The following ARIH1 variants were observed in gnomAD, a reference collection of about 807,000 sequenced individuals.
ARIH1 encodes ariadne RBR E3 ubiquitin protein ligase 1.
Under a neutral mutation model 85.0 loss-of-function variants are expected in ARIH1, and 8 were observed. The ratio of observed to expected loss-of-function variants is 0.09; its 90% CI spans 0.06 to 0.17. The LOEUF is 0.17. Among genes scored for constraint, ARIH1 ranks in the 10% least tolerant of loss-of-function variants. The probability of loss-of-function intolerance (pLI) is 1.00; values close to 1 mark genes in which losing one functional copy is unlikely to be tolerated. For missense variants in ARIH1, 311 were observed against 718.1 expected, an observed-to-expected ratio of 0.43 and a Z score of 6.48; for synonymous variants, 238 against 253.6, an observed-to-expected ratio of 0.94 and a Z score of 0.59.
chr15:72,489,461 G>A (rs2063850394), intron 1 of ARIH1, among the ~76,000 whole-genome samples: 2 of 152,126 alleles, frequency 1.3e-5, no homozygotes, highest in African/African-American at 4.8e-5. Flanking sequence ...AAGTATGCTA[G>A]TAGTCATTGT....
At chr15:72,476,404 G>A (rs932426787) in intron 1 of ARIH1, among the ~76,000 whole-genome samples, 4 of 152,096 alleles carry the variant, frequency 2.6e-5, no homozygotes, top group Admixed American at 2.0e-4. Flanking sequence ...TTGCTTTGTC[G>A]CCCAGGCTGG....
At position 72,601,433 on chromosome 15, in the gene ARIH1, C is replaced by G. The variant is rs1034262571; in HGVS notation, c.*18141C>G. On this transcript the variant is annotated 3_prime_UTR_variant, in exon 14 of 14. Coordinates refer to ENST00000379887, the MANE Select transcript of ARIH1 (RefSeq NM_005744.5). The stretch of plus-strand genomic sequence containing the variant: ...GCAACCAACCCTGTTACCTTTTTCT[C>G]TTTTCACACTGGTCTTCATTCTGTG... 1 of 152,238 alleles carries G rather than the reference C, an allele frequency of 6.6e-6. No homozygotes were observed. Among genetic ancestry groups the G allele is most frequent in the Non-Finnish European group, 1.5e-5 (1 of 68,070 alleles). 9.4% of individuals were successfully genotyped at this position (152,238 alleles called of 1,614,324 possible).
In ARIH1 at chr15:72,596,014, T is replaced by G. The variant is rs943971313; in HGVS notation, c.*12722T>G. On this transcript the variant is annotated 3_prime_UTR_variant, in exon 14 of 14. Transcript: ENST00000379887. ...TTTTATATTTTTAGTAGAAACGGGG[T>G]TTCACCATATTGGCCAGGCTGGTCT... The G allele has an allele frequency of 6.6e-6, 1 of 152,104 alleles. No homozygotes were observed. The highest frequency in any genetic ancestry group is 6.5e-5 in the Admixed American group (1 of 15,276). The allele number at this position is 152,104 out of a possible 1,614,324, so 9.4% of individuals were successfully genotyped here.
At chr15:72,570,538 T>C (rs1245142184) in intron 10 of ARIH1, among the ~76,000 whole-genome samples, 1 of 152,216 alleles carries the variant, frequency 6.6e-6, no homozygotes, top group Non-Finnish European at 1.5e-5. Context: ...TCATTAGTTA[T>C]AAAAGTAGTA....
At position 72,588,341 on chromosome 15, in the gene ARIH1, A is replaced by G. The variant is rs6495011; in HGVS notation, c.*5049A>G. On this transcript the variant is annotated 3_prime_UTR_variant, in exon 14 of 14. Transcript: ENST00000379887. ...CTGTCCATCTGGCATTACCTAGACC[A>G]GTGATACTTAAACTTGACTGCGAAT... The G allele has an allele frequency of 0.74, 112,909 of 152,004 alleles. 47,868 individuals carry two copies. The highest frequency in any genetic ancestry group is 0.93 in the Non-Finnish European group (63,364 of 67,988). The allele number at this position is 152,004 out of a possible 1,614,324, so 9.4% of individuals were successfully genotyped here.
intron 2 of ARIH1, among the ~76,000 whole-genome samples, chr15:72,536,251 A>G (rs2064081363): frequency 6.6e-6 from 1 of 152,132 alleles, no homozygotes; most frequent in Non-Finnish European, 1.5e-5. Flanking sequence ...CCATACTTTT[A>G]TTTTTATCTT....
In ARIH1 at chr15:72,550,756, C is replaced by T. The variant is rs374839798; in HGVS notation, c.589-4515C>T. On this transcript the variant is annotated intron_variant, in intron 3 of 13. Coordinates refer to ENST00000379887, the MANE Select transcript of ARIH1 (RefSeq NM_005744.5). ...GTGTGATCTCGGCTTACTGCAACCT[C>T]CGCCTCCCGGGTTCAAGTGATTCTT... Among the ~76,000 whole-genome samples, 6 of 152,114 alleles carry T rather than the reference C, an allele frequency of 3.9e-5. No homozygotes were observed. In the East Asian group the frequency reaches 9.7e-4, roughly 24 times the overall value.
intron 3 of ARIH1, among the ~76,000 whole-genome samples, chr15:72,549,558 A>G (rs778471905): frequency 6.6e-6 from 1 of 152,118 alleles, no homozygotes; most frequent in Non-Finnish European, 1.5e-5. Context: ...GAAAATACCT[A>G]CGTCCCACCC....
chr15:72,577,359 T>G (rs2140438810), intron 11 of ARIH1, among the ~76,000 whole-genome samples: 1 of 152,078 alleles, frequency 6.6e-6, no homozygotes. Flanking sequence ...GAAGAGAAAA[T>G]GTGTTTACTT....
intron 1 of ARIH1, among the ~76,000 whole-genome samples, chr15:72,484,573 C>T (rs1365645546): frequency 1.3e-5 from 2 of 151,762 alleles, no homozygotes; most frequent in East Asian, 3.9e-4. Flanking sequence ...CCAATCCCAT[C>T]CAGGTTGATG....
chr15:72,549,044 A>G (rs753140801), intron 3 of ARIH1, among the ~76,000 whole-genome samples: 2 of 151,004 alleles, frequency 1.3e-5, no homozygotes, highest in Non-Finnish European at 1.5e-5. Flanking sequence ...CTGGCCCACC[A>G]CTGTGCTAGG....
chr15:72,586,731 A>G lies in ARIH1; in HGVS notation c.*3439A>G, dbSNP rs1204522393. ...ATTCCCCCAACATTTAACTTGGTTA[A>G]TGAAGCTTTCAGAGCATTTTCTGAA... On this transcript the variant is annotated 3_prime_UTR_variant, in exon 14 of 14. Coordinates refer to ENST00000379887, the MANE Select transcript of ARIH1 (RefSeq NM_005744.5). 6.5e-6 allele frequency: 1 copy of G among 154,000 alleles called. No homozygotes were observed. Among genetic ancestry groups the G allele is most frequent in the Non-Finnish European group, 1.4e-5 (1 of 69,416 alleles). 9.5% of individuals were successfully genotyped at this position (154,000 alleles called of 1,614,324 possible).
chr15:72,514,335 C>T (rs753506791), intron 1 of ARIH1, among the ~76,000 whole-genome samples: 1 of 152,124 alleles, frequency 6.6e-6, no homozygotes, highest in Non-Finnish European at 1.5e-5. Context: ...TTCACTGACT[C>T]TTCTGTCATC....
chr15:72,562,315 C>A (rs901168817), intron 6 of ARIH1, among the ~76,000 whole-genome samples: 1 of 152,142 alleles, frequency 6.6e-6, no homozygotes, highest in African/African-American at 2.4e-5. Flanking sequence ...ACTGTTCTGG[C>A]CTGCAAAACC....
chr15:72,546,655 C>CTGTGTG (rs35847751), intron 3 of ARIH1, among the ~76,000 whole-genome samples: 2 of 149,430 alleles, frequency 1.3e-5, no homozygotes, highest in African/African-American at 2.5e-5. Flanking sequence ...GCTGATTTTT[C>CTGTGTG]TGTGTGTGTG....
chr15:72,481,078 G>T (rs981596929), intron 1 of ARIH1, among the ~76,000 whole-genome samples: 1 of 152,236 alleles, frequency 6.6e-6, no homozygotes, highest in Non-Finnish European at 1.5e-5. Flanking sequence ...TGTGCATGAT[G>T]TGTGCAGGCA....
At chr15:72,559,820 T>C (rs1452858267) in intron 5 of ARIH1, among the ~76,000 whole-genome samples, 3 of 152,220 alleles carry the variant, frequency 2.0e-5, no homozygotes, top group Non-Finnish European at 4.4e-5. Flanking sequence ...GCTTCTTTAA[T>C]GTTTTCAAGA....
intron 1 of ARIH1, among the ~76,000 whole-genome samples, chr15:72,493,192 C>T (rs1228052294): frequency 6.6e-6 from 1 of 152,038 alleles, no homozygotes; most frequent in East Asian, 1.9e-4. Flanking sequence ...CTCATGATAG[C>T]GATTCTATAA....
At chr15:72,527,566 C>T (rs1168217134) in intron 2 of ARIH1, among the ~76,000 whole-genome samples, 2 of 151,780 alleles carry the variant, frequency 1.3e-5, no homozygotes, top group Non-Finnish European at 2.9e-5. Context: ...TAGTACAAAA[C>T]TTTTGTGACA....
Sources: allele counts gnomAD v4.1 joint callset (sites outside exome capture counted in the v4.1 genomes callset), GRCh38; gene constraint gnomAD v4.1.1; transcripts MANE v1.5; gene names NCBI Gene and HGNC (gene_info 2026-07-23, HGNC 2026-07-21).